The following SLC35E4 variants were observed in gnomAD, a reference collection of about 807,000 sequenced individuals.
SLC35E4 encodes the protein solute carrier family 35 member E4.
In SLC35E4, 15 loss-of-function variants were observed where a neutral mutation model predicts 19.3. The observed-to-expected ratio is 0.78, with a 90% CI of 0.52 to 1.20. The LOEUF is 1.20. Ranked by LOEUF, SLC35E4 falls within the 50% of genes most tolerant of loss-of-function variation. SLC35E4 has a pLI of 0.00. For synonymous variants in SLC35E4, 219 were observed against 219.9 expected (o/e 1.00, Z 0.04); for missense variants, 406 against 472.3 (o/e 0.86, Z 1.30).
chr22:30,652,332 G>C (rs1041540602), downstream of SLC35E4: 6 of 152,204 alleles, frequency 3.9e-5, no homozygotes, highest in African/African-American at 1.4e-4. Context: ...CTTAGGAGCA[G>C]TTTAGGGAAG....
intron 2 of SLC35E4, chr22:30,654,826 G>T: frequency 5.4e-6 from 1 of 185,630 alleles, no homozygotes; most frequent in Non-Finnish European, 1.1e-5. Context: ...TTCGGCAGCC[G>T]CCTGGGAAAG....
chr22:30,663,471 T>TAG (rs1569070920), downstream of SLC35E4: 1 of 1,612,666 alleles, frequency 6.2e-7, no homozygotes, highest in South Asian at 1.1e-5. Flanking sequence ...TTCCTTCTCA[T>TAG]AGATGTCAGG....
At chr22:30,638,473 GC>G (rs1204922995) in intron 1 of SLC35E4, among the ~76,000 whole-genome samples, 2 of 126,632 alleles carry the variant, frequency 1.6e-5, no homozygotes, top group Non-Finnish European at 3.1e-5. Context: ...CTGCACTCCA[GC>G]CAAGGCGACA....
At chr22:30,646,529 G>C (rs1206861803) in intron 1 of SLC35E4, 69 bp from the exon 2 acceptor site, 3 of 1,524,222 alleles carry the variant, frequency 2.0e-6, no homozygotes, top group African/African-American at 1.4e-5. Context: ...ATCGGCCATA[G>C]GGGTCATACT....
chr22:30,650,549 C>T (rs984585833), downstream of SLC35E4, among the ~76,000 whole-genome samples: 3 of 152,054 alleles, frequency 2.0e-5, no homozygotes, highest in Non-Finnish European at 4.4e-5. Context: ...GACTTGTGCT[C>T]GAATCCTGGC....
chr22:30,655,025 G>A (rs1294511877), intron 2 of SLC35E4, among the ~76,000 whole-genome samples: 1 of 152,062 alleles, frequency 6.6e-6, no homozygotes, highest in African/African-American at 2.4e-5. Flanking sequence ...GGGAGCAGTA[G>A]GATTAGGACT....
At position 30,636,282 on chromosome 22, in the gene SLC35E4, T is replaced by C; in HGVS notation, c.-169T>C. 1.0e-6 allele frequency: 1 copy of C among 992,876 alleles called. No individual in the cohort carries two copies. Among genetic ancestry groups the C allele is most frequent in the African/African-American group, 1.6e-5 (1 of 61,118 alleles). 61.5% of individuals were successfully genotyped at this position (992,876 alleles called of 1,614,324 possible). On this transcript the variant is annotated 5_prime_UTR_variant, in exon 1 of 2. Coordinates refer to ENST00000343605, the MANE Select transcript of SLC35E4 (RefSeq NM_001001479.4). ...TGAGCTGGAAACACAGCTTAGCTTC[T>C]AGACATCGCTGGCACAGGCCTGGCA...
At chr22:30,661,732 A>AG (rs1367496234) in intron 2 of SLC35E4, 4 of 152,278 alleles carry the variant, frequency 2.6e-5, no homozygotes, top group Non-Finnish European at 5.9e-5. Context: ...GTCTTCAGCC[A>AG]GGTCCTTGGC....
intron 2 of SLC35E4, among the ~76,000 whole-genome samples, chr22:30,658,881 A>T (rs920727129): frequency 6.6e-6 from 1 of 152,100 alleles, no homozygotes; most frequent in Non-Finnish European, 1.5e-5. Flanking sequence ...GCGGTGGCTC[A>T]CGCCTGTAAT....
chr22:30,666,636 A>AAAAAG (rs1354577610), downstream of SLC35E4, among the ~76,000 whole-genome samples: 4 of 151,158 alleles, frequency 2.6e-5, no homozygotes, highest in African/African-American at 9.7e-5. Context: ...AAAAAAAAAA[A>AAAAAG]AAAAAAAAAA....
downstream of SLC35E4, among the ~76,000 whole-genome samples, chr22:30,649,681 C>G (rs548561143): frequency 1.3e-5 from 2 of 149,772 alleles, no homozygotes; most frequent in African/African-American, 2.5e-5. Context: ...GGCCTCCACT[C>G]TCAGGCTTTG....
chr22:30,664,206 C>T (rs4820893), downstream of SLC35E4: 529,307 of 583,972 alleles, frequency 0.91, 240,403 homozygotes, highest in East Asian at 1. Context: ...CACAGCAGAA[C>T]TACCCAGCAA....
downstream of SLC35E4, among the ~76,000 whole-genome samples, chr22:30,648,317 G>A (rs186015477): frequency 2.6e-5 from 4 of 152,044 alleles, no homozygotes; most frequent in Admixed American, 1.3e-4. Context: ...TCAGTTCCCC[G>A]TGATACCAGG....
In SLC35E4 at chr22:30,636,560, G is replaced by A. The variant is rs779577787; in HGVS notation, c.110G>A (p.Ser37Asn). The A allele has an allele frequency of 6.4e-7, 1 of 1,572,824 alleles. No homozygotes were observed. Among genetic ancestry groups the A allele is most frequent in the South Asian group, 1.1e-5 (1 of 86,984 alleles). Residue 37 changes from serine to asparagine, a missense_variant, in exon 1 of 2, where the codon AGC becomes AAC. Ser to Asn is a conservative substitution (Grantham distance 46, BLOSUM62 1). Transcript: ENST00000343605. Reference protein sequence around the residue: ...AAGPPEWPPGSPQALRQPGRA... With the variant: ...AAGPPEWPPGNPQALRQPGRA... The stretch of plus-strand genomic sequence containing the variant: ...GGGCCCCCCGAGTGGCCCCCTGGCA[G>A]CCCTCAGGCCCTCCGGCAGCCTGGC...
exon 3 of SLC35E4, chr22:30,662,537 A>T (rs550131747): frequency 1.2e-4 from 18 of 152,250 alleles, no homozygotes; most frequent in South Asian, 6.2e-4. Context: ...AATTTTTTTT[A>T]AATTTTTTAT....
Position 30,647,154 on chromosome 22 carries a change from TC to T in SLC35E4, c.*125del. ...GGCTCACGCCTATAATCCCAGCACT[TC>T]CAGAGTCCGAGGTGGGTGGATCACC... On this transcript the variant is annotated 3_prime_UTR_variant, in exon 2 of 2. Coordinates refer to ENST00000343605, the MANE Select transcript of SLC35E4 (RefSeq NM_001001479.4). 1 of 1,235,074 alleles carries T rather than the reference TC, an allele frequency of 8.1e-7. No individual in the cohort carries two copies. The highest frequency in any genetic ancestry group is 1.1e-6 in the Non-Finnish European group (1 of 916,762). 76.5% of individuals were successfully genotyped at this position (1,235,074 alleles called of 1,614,324 possible).
At chr22:30,645,211 A>T (rs533338496) in intron 1 of SLC35E4, among the ~76,000 whole-genome samples, 2 of 152,292 alleles carry the variant, frequency 1.3e-5, no homozygotes, top group Admixed American at 6.5e-5. Context: ...CTGCCCTTTC[A>T]TGGTGGCTGG....
intron 1 of SLC35E4, among the ~76,000 whole-genome samples, chr22:30,644,812 G>A (rs183850227): frequency 8.5e-5 from 13 of 152,100 alleles, no homozygotes; most frequent in Middle Eastern, 3.4e-3. Flanking sequence ...ATGTCATTTC[G>A]CCTGGGCACC....
chr22:30,636,423 G>T lies in SLC35E4; in HGVS notation c.-28G>T. 2 of 1,450,452 alleles carry T rather than the reference G, an allele frequency of 1.4e-6. No homozygotes were observed. The allele number at this position is 1,450,452 out of a possible 1,614,324, so 89.8% of individuals were successfully genotyped here. ...CCCAGAGGTCGTCACTGGGGAGCCC[G>T]CCTCCTGCCCTAGCCTCACTGGTGC... On this transcript the variant is annotated 5_prime_UTR_variant, in exon 1 of 2. Transcript: ENST00000343605.
Sources: gnomAD v4.1 joint callset for allele counts (sites outside exome capture counted in the v4.1 genomes callset) on GRCh38, gnomAD v4.1.1 for gene constraint, MANE v1.5 for transcripts, NCBI Gene and HGNC (gene_info 2026-07-23, HGNC 2026-07-21) for gene names.